Variants in SLC25A21 observed in about 807,000 individuals in gnomAD.
SLC25A21 encodes the protein solute carrier family 25 member 21.
In SLC25A21, 47 loss-of-function variants were observed where a neutral mutation model predicts 43.8. The ratio of observed to expected loss-of-function variants is 1.07; its 90% CI spans 0.85 to 1.37. The LOEUF (loss-of-function observed/expected upper bound fraction) is 1.37. SLC25A21 is among the 40% of genes most tolerant of loss of function. The pLI is 0.00. For synonymous variants in SLC25A21, 131 were observed against 121.3 expected, an observed-to-expected ratio of 1.08 and a Z score of -0.52; for missense variants, 352 against 350.2, an observed-to-expected ratio of 1.00 and a Z score of -0.04.
At chr14:36,871,529 C>T (rs1890373580) in intron 2 of SLC25A21, among the ~76,000 whole-genome samples, 1 of 152,138 alleles carries the variant, frequency 6.6e-6, no homozygotes, top group African/African-American at 2.4e-5. Flanking sequence ...ATGTTACAGC[C>T]ACATAACCTA....
chr14:36,911,994 A>C (rs1891697884), intron 1 of SLC25A21, among the ~76,000 whole-genome samples: 1 of 152,176 alleles, frequency 6.6e-6, no homozygotes, highest in South Asian at 2.1e-4. Flanking sequence ...CTGTGTGCTA[A>C]TTATAACTAC....
At chr14:36,901,188 T>G (rs376376692) in intron 1 of SLC25A21, among the ~76,000 whole-genome samples, 55 of 152,234 alleles carry the variant, frequency 3.6e-4, no homozygotes, top group African/African-American at 1.3e-3. Context: ...ATTTGCAAGA[T>G]TTAGGAATGG....
chr14:37,027,645 G>T (rs1373264689), intron 1 of SLC25A21, among the ~76,000 whole-genome samples: 3 of 152,148 alleles, frequency 2.0e-5, no homozygotes, highest in Non-Finnish European at 2.9e-5. Context: ...ACAAGGCAGA[G>T]AATTCAGGGT....
At chr14:37,050,130 C>T (rs889780333) in intron 1 of SLC25A21, among the ~76,000 whole-genome samples, 7 of 152,290 alleles carry the variant, frequency 4.6e-5, no homozygotes, top group Non-Finnish European at 8.8e-5. Context: ...TGCTACTGGG[C>T]AGGACTGCAG....
intron 1 of SLC25A21, among the ~76,000 whole-genome samples, chr14:36,957,923 G>C (rs1463868491): frequency 6.6e-6 from 1 of 151,892 alleles, no homozygotes; most frequent in African/African-American, 2.4e-5. Flanking sequence ...TTTTCTCCTG[G>C]GTAACTCTAG....
chr14:36,874,840 C>T lies in SLC25A21; in HGVS notation c.119+116G>A, dbSNP rs1301165978. ...GTACTTTCTTTAGAAGCAAATATAA[C>T]TGCCATTACAGAGAGAAGCTACCGG... On this transcript the variant is annotated intron_variant, in intron 2 of 9. Transcript: ENST00000331299. 8.7e-6 allele frequency: 6 copies of T among 688,108 alleles called. No individual in the cohort carries two copies. The East Asian group carries it at 1.7e-4, about 19-fold the overall frequency. The allele number at this position is 688,108 out of a possible 1,614,324, so 42.6% of individuals were successfully genotyped here.
intron 1 of SLC25A21, among the ~76,000 whole-genome samples, chr14:37,153,669 A>G (rs927219278): frequency 2.6e-5 from 4 of 152,200 alleles, no homozygotes; most frequent in African/African-American, 9.6e-5. Context: ...GTGGGGCCTC[A>G]GCATGGCTGC....
chr14:37,123,889 A>G (rs1016863367), intron 1 of SLC25A21, among the ~76,000 whole-genome samples: 3 of 152,180 alleles, frequency 2.0e-5, no homozygotes, highest in Non-Finnish European at 4.4e-5. Flanking sequence ...TAAATACTAT[A>G]AGGAAATATA....
chr14:36,725,922 A>G (rs1244610414), intron 5 of SLC25A21, among the ~76,000 whole-genome samples: 1 of 152,228 alleles, frequency 6.6e-6, no homozygotes, highest in Non-Finnish European at 1.5e-5. Context: ...AAGCCCCATC[A>G]ACAACGACTC....
In SLC25A21 at chr14:36,956,713, T is replaced by TA. The variant is rs1959350794; in HGVS notation, c.71-81710dup. On this transcript the variant is annotated intron_variant, in intron 1 of 9. Coordinates refer to ENST00000331299, the MANE Select transcript of SLC25A21 (RefSeq NM_030631.4). The stretch of plus-strand genomic sequence containing the variant: ...GTTCCTCTAAGAATCTCTGCAGAAT[T>TA]AACTTACGAATAATGGGGATATCCA... Among the ~76,000 whole-genome samples, 8 of 152,300 alleles carry TA rather than the reference T, an allele frequency of 5.3e-5. No homozygotes were observed. In the South Asian group the frequency reaches 1.7e-3, roughly 32 times the overall value.
chr14:37,036,733 T>C (rs1447272388), intron 1 of SLC25A21, among the ~76,000 whole-genome samples: 4 of 152,232 alleles, frequency 2.6e-5, no homozygotes, highest in Non-Finnish European at 5.9e-5. Flanking sequence ...CACCCAAATC[T>C]GCTAAATCTT....
chr14:36,839,654 T>C (rs1217006080), intron 2 of SLC25A21, among the ~76,000 whole-genome samples: 1 of 152,204 alleles, frequency 6.6e-6, no homozygotes, highest in African/African-American at 2.4e-5. Context: ...AAGGCTTATC[T>C]GCAGTCATGT....
chr14:36,830,726 C>T (rs780971524), intron 2 of SLC25A21, among the ~76,000 whole-genome samples: 1 of 151,976 alleles, frequency 6.6e-6, no homozygotes, highest in Non-Finnish European at 1.5e-5. Flanking sequence ...GTACTGCTGC[C>T]CTTCACCACA....
intron 1 of SLC25A21, among the ~76,000 whole-genome samples, chr14:37,149,631 T>G (rs1181882569): frequency 6.6e-6 from 1 of 151,902 alleles, no homozygotes; most frequent in Non-Finnish European, 1.5e-5. Context: ...GAGGCAGAGG[T>G]TGCAGTGAGC....
chr14:36,915,035 T>TA (rs1891793458), intron 1 of SLC25A21, among the ~76,000 whole-genome samples: 1 of 152,124 alleles, frequency 6.6e-6, no homozygotes, highest in Non-Finnish European at 1.5e-5. Flanking sequence ...TATTTTTTTT[T>TA]ACCCTAAAAA....
intron 1 of SLC25A21, among the ~76,000 whole-genome samples, chr14:36,997,926 C>A (rs1013877660): frequency 2.6e-5 from 4 of 151,960 alleles, no homozygotes; most frequent in Admixed American, 2.6e-4. Flanking sequence ...CTTAGGAGAA[C>A]GTGATATCAT....
chr14:36,830,131 T>C (rs1370429878), intron 2 of SLC25A21, among the ~76,000 whole-genome samples: 1 of 152,180 alleles, frequency 6.6e-6, no homozygotes, highest in Non-Finnish European at 1.5e-5. Context: ...TTCACCACAT[T>C]ACTTCTTAGG....
At chr14:37,040,288 A>AAGG in intron 1 of SLC25A21, among the ~76,000 whole-genome samples, 1 of 14,184 alleles carries the variant, frequency 7.1e-5, no homozygotes, top group Non-Finnish European at 1.3e-4. Context: ...GGAAGGAAGG[A>AAGG]AAGAGAGAGA....
chr14:37,009,651 G>C (rs17105942), intron 1 of SLC25A21, among the ~76,000 whole-genome samples: 3,818 of 152,208 alleles, frequency 0.025, 168 homozygotes, highest in African/African-American at 0.086. Flanking sequence ...TAAATGAAAA[G>C]AAAATCCTCT....
Sources: gnomAD v4.1 joint callset for allele counts (sites outside exome capture counted in the v4.1 genomes callset) on GRCh38, gnomAD v4.1.1 for gene constraint, MANE v1.5 for transcripts, NCBI Gene and HGNC (gene_info 2026-07-23, HGNC 2026-07-21) for gene names.